CDK15: variants seen among roughly 807,000 people sequenced by gnomAD.
The protein encoded by CDK15 is cyclin-dependent kinase 15.
A neutral mutation model predicts 60.3 loss-of-function variants in CDK15; 62 were observed. That is an observed-to-expected ratio of 1.03 (90% CI 0.84 to 1.27). The LOEUF is 1.27. CDK15 is among the 50% of genes most tolerant of loss of function. The pLI is 0.00. For missense variants in CDK15, 541 were observed against 527.8 expected (o/e 1.03, Z -0.25); for synonymous variants, 194 against 195.7 (o/e 0.99, Z 0.07).
chr2:201,876,790 A>C (rs1049722311), intron 11 of CDK15, among the ~76,000 whole-genome samples: 1 of 152,096 alleles, frequency 6.6e-6, no homozygotes, highest in Non-Finnish European at 1.5e-5. Flanking sequence ...AACAAAAACA[A>C]AAACCTGTTC....
At chr2:201,883,141 TA>T (rs1352018044) in intron 12 of CDK15, among the ~76,000 whole-genome samples, 1 of 152,270 alleles carries the variant, frequency 6.6e-6, no homozygotes, top group East Asian at 1.9e-4. Flanking sequence ...CATTTCAGTA[TA>T]AAATTATTTA....
At chr2:201,884,770 T>C (rs752357760) in intron 12 of CDK15, among the ~76,000 whole-genome samples, 1 of 152,232 alleles carries the variant, frequency 6.6e-6, no homozygotes, top group African/African-American at 2.4e-5. Flanking sequence ...ATTTCTTGCA[T>C]GGTGGGAGAA....
chr2:201,808,808 CT>C (rs1236481091), intron 3 of CDK15: 1 of 151,990 alleles, frequency 6.6e-6, no homozygotes, highest in Non-Finnish European at 1.5e-5. Flanking sequence ...TTTTATATAA[CT>C]ACTACAAGAC....
At chr2:201,843,950 A>G (rs1400625615) in intron 8 of CDK15, among the ~76,000 whole-genome samples, 1 of 152,072 alleles carries the variant, frequency 6.6e-6, no homozygotes, top group African/African-American at 2.4e-5. Context: ...ACAGCTGTTA[A>G]GTATGAAAAC....
Position 201,822,834 on chromosome 2 carries a change from T to C in CDK15, c.474T>C (p.His158=), listed in dbSNP as rs752656281. The C allele has an allele frequency of 4.3e-6, 7 of 1,612,180 alleles. No individual in the cohort carries two copies. In the South Asian group the frequency reaches 7.7e-5, roughly 18 times the overall value. Residue 158 remains histidine, a synonymous_variant, in exon 5 of 14, where the codon CAT becomes CAC. Coordinates refer to ENST00000652192, the MANE Select transcript of CDK15 (RefSeq NM_001366386.2). Reference sequence around the variant, plus strand: ...CTTCTCTCCTGAAGGGTTTGAAACATGCCAATATTGTGCTCCTGCATGACA... The same window carrying C: ...CTTCTCTCCTGAAGGGTTTGAAACACGCCAATATTGTGCTCCTGCATGACA... ...REASLLKGLK[H]ANIVLLHDII... is the part of the protein sequence containing the mutation.
intron 9 of CDK15, among the ~76,000 whole-genome samples, chr2:201,850,564 G>A (rs1487155896): frequency 6.6e-6 from 1 of 152,206 alleles, no homozygotes; most frequent in African/African-American, 2.4e-5. Context: ...TGTCCGCAGA[G>A]CAAGAAACTA....
At chr2:201,892,596 GT>G (rs1699672845) in intron 13 of CDK15, among the ~76,000 whole-genome samples, 1 of 152,228 alleles carries the variant, frequency 6.6e-6, no homozygotes, top group Non-Finnish European at 1.5e-5. Flanking sequence ...CTCTGCTGGA[GT>G]AAGCTCATGA....
intron 10 of CDK15, chr2:201,860,911 A>C: frequency 7.5e-7 from 1 of 1,337,744 alleles, no homozygotes; most frequent in Non-Finnish European, 9.9e-7. Flanking sequence ...CCTTGTCCCC[A>C]CTGGGATGAT....
intron 3 of CDK15, among the ~76,000 whole-genome samples, chr2:201,809,196 C>T (rs1182213274): frequency 6.6e-6 from 1 of 152,150 alleles, no homozygotes; most frequent in East Asian, 1.9e-4. Context: ...TGGCTCGGAA[C>T]GGGGGCACCC....
At chr2:201,826,970 G>A (rs1221164009) in intron 6 of CDK15, among the ~76,000 whole-genome samples, 6 of 152,232 alleles carry the variant, frequency 3.9e-5, no homozygotes, top group Non-Finnish European at 8.8e-5. Flanking sequence ...CATTTTGCCT[G>A]AGGTTATAGA....
intron 9 of CDK15, among the ~76,000 whole-genome samples, chr2:201,853,727 T>G (rs1698007264): frequency 1.4e-4 from 1 of 7,228 alleles, no homozygotes; most frequent in Non-Finnish European, 2.8e-4. Context: ...TTATGATTAT[T>G]CTTTAAAAAA....
At chr2:201,827,271 C>G (rs1574864347) in intron 6 of CDK15, among the ~76,000 whole-genome samples, 1 of 152,240 alleles carries the variant, frequency 6.6e-6, no homozygotes, top group Non-Finnish European at 1.5e-5. Flanking sequence ...CATAGCAAGA[C>G]CTCATCTCTA....
At chr2:201,807,981 T>C (rs780861693) in intron 3 of CDK15, 29 bp downstream of exon 3, 2 of 1,580,344 alleles carry the variant, frequency 1.3e-6, no homozygotes, top group Non-Finnish European at 1.7e-6. Context: ...GGAGAGACTT[T>C]AGAGATGAGA....
At chr2:201,851,149 G>A (rs757108786) in intron 9 of CDK15, among the ~76,000 whole-genome samples, 8 of 151,948 alleles carry the variant, frequency 5.3e-5, no homozygotes, top group Admixed American at 1.3e-4. Flanking sequence ...AAAACTAGCC[G>A]AACGTGGTGG....
intron 6 of CDK15, among the ~76,000 whole-genome samples, chr2:201,825,312 CAAAA>C (rs200857853): frequency 1.6e-4 from 14 of 86,950 alleles, no homozygotes; most frequent in Admixed American, 2.6e-4. Context: ...GACTCCAACT[CAAAA>C]AAAAAAAAAA....
chr2:201,860,626 G>A lies in CDK15; in HGVS notation c.1009+5689G>A, dbSNP rs554513423. On this transcript the variant is annotated intron_variant, in intron 10 of 13. Transcript: ENST00000652192. ...AGAACGTAATGAAAATCAAAAGGCA[G>A]GAAAGCGGTACTAAAAGCCCTGCAG... 6.6e-4 allele frequency: 718 copies of A among 1,095,474 alleles called. 2 individuals carry two copies. Among genetic ancestry groups the A allele is most frequent in the Non-Finnish European group, 8.3e-4 (691 of 831,180 alleles). The allele number at this position is 1,095,474 out of a possible 1,614,324, so 67.9% of individuals were successfully genotyped here.
At chr2:201,836,073 T>TTTATATAATATTTATATATA (rs1697039086) in intron 8 of CDK15, among the ~76,000 whole-genome samples, 1 of 106,684 alleles carries the variant, frequency 9.4e-6, no homozygotes, top group African/African-American at 3.9e-5. Context: ...TATATTTATA[T>TTTATATAATATTTATATATA]TTATATATAT....
chr2:201,814,174 G>T (rs955620580), intron 4 of CDK15, among the ~76,000 whole-genome samples: 2 of 152,152 alleles, frequency 1.3e-5, no homozygotes, highest in African/African-American at 2.4e-5. Context: ...GAAACCTTTT[G>T]CCAGGTTTGC....
chr2:201,870,559 T>G (rs1176181929), intron 10 of CDK15, among the ~76,000 whole-genome samples: 1 of 149,182 alleles, frequency 6.7e-6, no homozygotes, highest in African/African-American at 2.5e-5. Flanking sequence ...CTAAATAAAT[T>G]AAAAAACAAA....
Sources: allele counts gnomAD v4.1 joint callset (sites outside exome capture counted in the v4.1 genomes callset), GRCh38; gene constraint gnomAD v4.1.1; transcripts MANE v1.5; gene names NCBI Gene and HGNC (gene_info 2026-07-23, HGNC 2026-07-21).